DDX54: variants seen among roughly 807,000 people sequenced by gnomAD.
DDX54 encodes DEAD-box helicase 54.
Under a neutral mutation model 105.5 loss-of-function variants are expected in DDX54, and 67 were observed. The ratio of observed to expected loss-of-function variants is 0.64; its 90% confidence interval spans 0.52 to 0.78. DDX54 has a LOEUF of 0.78. Among genes scored for constraint, DDX54 ranks in the 30% least tolerant of loss-of-function variants. DDX54 has a pLI of 0.00. For missense variants in DDX54, 1,206 were observed against 1,230.5 expected, an observed-to-expected ratio of 0.98 and a Z score of 0.30; for synonymous variants, 514 against 509.9, an observed-to-expected ratio of 1.01 and a Z score of -0.11.
At position 113,185,443 on chromosome 12, in the gene DDX54, G is replaced by C. The variant is rs549666734; in HGVS notation, c.9C>G (p.Ala3=). The change falls in exon 1 of 20, where the codon GCC becomes GCG. Residue 3 remains alanine (A), a synonymous_variant. Transcript: ENST00000306014. The stretch of plus-strand genomic sequence containing the variant: ...GAGGTCCAGCCGCCGGGCCCTTGTC[G>C]GCCGCCATTCGGGCCGCGCGCTGGG... MA[A]DKGPAAGPRS... 3.0e-5 allele frequency: 45 copies of C among 1,508,012 alleles called. No homozygotes were observed. The African/African-American group carries it at 4.2e-4, about 14-fold the overall frequency. 93.4% of individuals were successfully genotyped at this position (1,508,012 alleles called of 1,614,324 possible).
chr12:113,158,776 C>G lies in DDX54; in HGVS notation c.*101G>C. On this transcript the variant is annotated 3_prime_UTR_variant, in exon 20 of 20. Coordinates refer to ENST00000306014, the MANE Select transcript of DDX54 (RefSeq NM_024072.4). This position sits in a 1 kb window ranked among gnomAD's most constrained non-coding sequence, Gnocchi z 4.9. ...ATGATGGCTCCTGCAGGGAGTGCCC[C>G]CAGTGCCCAGCACAGGGCCAGGCAC... 7.7e-7 allele frequency: 1 copy of G among 1,305,108 alleles called. No individual in the cohort carries two copies. Among genetic ancestry groups the G allele is most frequent in the Non-Finnish European group, 1.0e-6 (1 of 961,658 alleles). 80.8% of individuals were successfully genotyped at this position (1,305,108 alleles called of 1,614,324 possible). A position where few individuals can be genotyped will look rare whatever the true frequency, so the allele number is the denominator to read the frequency against.
intron 1 of DDX54, among the ~76,000 whole-genome samples, chr12:113,182,220 A>T (rs1952476195): frequency 6.6e-6 from 1 of 152,198 alleles, no homozygotes; most frequent in Non-Finnish European, 1.5e-5. Flanking sequence ...GCCAGCAGGT[A>T]GTGGGTGAGG....
intron 19 of DDX54, among the ~76,000 whole-genome samples, 161 bp downstream of exon 19, chr12:113,161,108 TG>T (rs894051408): frequency 3.3e-5 from 2 of 60,522 alleles, no homozygotes; most frequent in Non-Finnish European, 6.9e-5. Flanking sequence ...GGGGGTTGGG[TG>T]GGGGGGATCA....
Position 113,168,635 on chromosome 12 carries a change from A to C in DDX54, c.1414+1135T>G, listed in dbSNP as rs142434830. On this transcript the variant is annotated intron_variant, in intron 12 of 19. Transcript: ENST00000306014. Reference sequence around the variant, plus strand: ...ATTCCCATTCTAGGATGTATACAGAAATGTCCTGTGGGCGGCTGGGCACAG... The same window carrying C: ...ATTCCCATTCTAGGATGTATACAGACATGTCCTGTGGGCGGCTGGGCACAG... Among the ~76,000 whole-genome samples the C allele has an allele frequency of 2.3e-3, 347 of 152,356 alleles. 4 individuals carry two copies. Among genetic ancestry groups the C allele is most frequent in the African/African-American group, 7.4e-3 (308 of 41,584 alleles).
In DDX54 at chr12:113,164,295, G is replaced by T; in HGVS notation, c.1720-10C>A. 1 of 1,577,470 alleles carries T rather than the reference G, an allele frequency of 6.3e-7. No homozygotes were observed. The highest frequency in any genetic ancestry group is 8.6e-7 in the Non-Finnish European group (1 of 1,164,726). On this transcript the variant is annotated splice_polypyrimidine_tract_variant and intron_variant, in intron 14 of 19. Transcript: ENST00000306014. The stretch of plus-strand genomic sequence containing the variant: ...TGATCTCAAAGATAGTCTGTGGAGG[G>T]GACACCCAGTCCTTTGCCCACTGGC...
intron 5 of DDX54, among the ~76,000 whole-genome samples, chr12:113,177,713 G>C (rs1952420277): frequency 6.6e-6 from 1 of 152,138 alleles, no homozygotes; most frequent in Non-Finnish European, 1.5e-5. Flanking sequence ...GCCCTTTAAG[G>C]GATAAACTGT....
chr12:113,161,791 T>TCCCCC, intron 18 of DDX54, 102 bp downstream of exon 18: 1 of 81,852 alleles, frequency 1.2e-5, no homozygotes, highest in Non-Finnish European at 2.4e-5. Context: ...CCCCGCCCCC[T>TCCCCC]CCTCCCCGCC....
chr12:113,184,423 G>A (rs996698450), intron 1 of DDX54, among the ~76,000 whole-genome samples: 1 of 152,170 alleles, frequency 6.6e-6, no homozygotes, highest in African/African-American at 2.4e-5. Flanking sequence ...GTTTCCTCCT[G>A]TAGAAAAATG....
At chr12:113,165,360 G>A (rs1952258271) in intron 14 of DDX54, among the ~76,000 whole-genome samples, 1 of 152,242 alleles carries the variant, frequency 6.6e-6, no homozygotes, top group African/African-American at 2.4e-5. Flanking sequence ...TGAGCCATCT[G>A]TAAGTGCTAG....
chr12:113,177,316 A>T, intron 5 of DDX54: 1 of 550,258 alleles, frequency 1.8e-6, no homozygotes, highest in East Asian at 2.9e-5. Flanking sequence ...GTTCCTCTGA[A>T]GAGATGGGCT....
In DDX54 at chr12:113,165,911, A is replaced by G. The variant is rs567559025; in HGVS notation, c.1536T>C (p.Ala512=). The G allele has an allele frequency of 1.9e-6, 3 of 1,613,792 alleles. No homozygotes were observed. The highest frequency in any genetic ancestry group is 2.7e-5 in the African/African-American group (2 of 75,052). ...SLELRGLARV[A]DNAQQQYVRS... ...GCACATACTGCTGCTGGGCGTTATC[A>G]GCAACGCGGGCCAGGCCCCGTAGCT... Residue 512 remains alanine (A), a synonymous_variant, in exon 13 of 20, where the codon GCT becomes GCC. Coordinates refer to ENST00000306014, the MANE Select transcript of DDX54 (RefSeq NM_024072.4).
intron 18 of DDX54, 39 bp downstream of exon 18, chr12:113,161,854 C>T (rs757038134): frequency 3.7e-6 from 5 of 1,353,194 alleles, no homozygotes; most frequent in African/African-American, 1.5e-5. Flanking sequence ...GCTGAAGCTC[C>T]TCGGCCCCGC....
intron 3 of DDX54, 140 bp from the exon 4 acceptor site, chr12:113,179,471 T>C (rs1039416050): frequency 1.1e-6 from 1 of 942,078 alleles, no homozygotes; most frequent in African/African-American, 1.7e-5. Flanking sequence ...CTGAGCCTAT[T>C]CTTGCCCATT....
chr12:113,171,160 G>A (rs563638645), intron 11 of DDX54, among the ~76,000 whole-genome samples: 1 of 152,340 alleles, frequency 6.6e-6, no homozygotes, highest in South Asian at 2.1e-4. Flanking sequence ...CTAGGGGACA[G>A]CAGACAGCAA....
At chr12:113,174,800 T>C in intron 9 of DDX54, 29 bp from the exon 10 acceptor site, 1 of 1,614,198 alleles carries the variant, frequency 6.2e-7, no homozygotes, top group Non-Finnish European at 8.5e-7. Context: ...ACGTGTTGGC[T>C]TACGGGGTCC....
intron 7 of DDX54, among the ~76,000 whole-genome samples, chr12:113,176,438 G>A (rs559608905): frequency 6.6e-6 from 1 of 152,096 alleles, no homozygotes; most frequent in African/African-American, 2.4e-5. Context: ...GTGGTAGCGC[G>A]TACTTGTAAC....
At chr12:113,183,658 T>C (rs1269470132) in intron 1 of DDX54, 1 of 152,280 alleles carries the variant, frequency 6.6e-6, no homozygotes. Context: ...CATTCAGTAA[T>C]GGAAACGGCA....
Position 113,175,086 on chromosome 12 carries a change from AC to A in DDX54, c.823del (p.Val275CysfsTer37), listed in dbSNP as rs1566098686. The stretch of plus-strand genomic sequence containing the variant: ...TTTGGGCAGCGTGGCGGAGAACAGC[AC>A]CGTCTGGTGGCCCCCGGGGAGGCGG... ...IARLPGGHQT[V>X]LFSATLPKLL... On this transcript the variant is annotated frameshift_variant, in exon 8 of 20. Coordinates refer to ENST00000306014, the MANE Select transcript of DDX54 (RefSeq NM_024072.4). LOFTEE classifies it high-confidence loss of function. 6.2e-7 allele frequency: 1 copy of A among 1,613,846 alleles called. No homozygotes were observed. The highest frequency in any genetic ancestry group is 8.5e-7 in the Non-Finnish European group (1 of 1,179,998).
chr12:113,175,516 A>G (rs1196141681), intron 7 of DDX54, among the ~76,000 whole-genome samples: 1 of 152,198 alleles, frequency 6.6e-6, no homozygotes, highest in East Asian at 1.9e-4. Context: ...GGCCGGGCGC[A>G]GTGGCTCAGG....
Sources: allele counts gnomAD v4.1 joint callset (sites outside exome capture counted in the v4.1 genomes callset), GRCh38; gene constraint gnomAD v4.1.1; non-coding constraint Gnocchi (gnomAD v3.1); transcripts MANE v1.5; gene names NCBI Gene and HGNC (gene_info 2026-07-23, HGNC 2026-07-21).